LRP2: variants seen among roughly 807,000 people sequenced by gnomAD.
The protein encoded by LRP2 is low-density lipoprotein receptor-related protein 2.
Under a neutral mutation model 531.0 loss-of-function variants are expected in LRP2, and 172 were observed. That is an observed-to-expected ratio of 0.32 (90% CI 0.29 to 0.37). The LOEUF is 0.37. LRP2 is among the 10% of genes least tolerant of loss of function. The pLI is 1.00. For missense variants in LRP2, 5,167 were observed against 5,868.3 expected (o/e 0.88, Z 3.90); for synonymous variants, 1,992 against 2,027.6 (o/e 0.98, Z 0.47).
chr2:169,143,010 C>T (rs1457058254), intron 70 of LRP2, among the ~76,000 whole-genome samples: 1 of 152,164 alleles, frequency 6.6e-6, no homozygotes, highest in Non-Finnish European at 1.5e-5. Flanking sequence ...CAGCCAATTT[C>T]TGTACCACTC....
intron 72 of LRP2, 103 bp downstream of exon 72, chr2:169,140,352 G>A: frequency 1.2e-6 from 1 of 869,436 alleles, no homozygotes; most frequent in Admixed American, 2.0e-5. Flanking sequence ...AAGAATTAGT[G>A]AACTGGTGAG....
chr2:169,322,765 A>G (rs886992827), intron 1 of LRP2, among the ~76,000 whole-genome samples: 1 of 152,218 alleles, frequency 6.6e-6, no homozygotes, highest in African/African-American at 2.4e-5. Context: ...TAAAGGTAGT[A>G]TCTTCTGGTT....
At position 169,176,406 on chromosome 2, in the gene LRP2, C is replaced by T. The variant is rs1434174057; in HGVS notation, c.10571+5G>A. 9 of 1,613,996 alleles carry T rather than the reference C, an allele frequency of 5.6e-6. No individual in the cohort carries two copies. The highest frequency in any genetic ancestry group is 7.6e-6 in the Non-Finnish European group (9 of 1,180,028). ...GCACTGAGGAGAGGGGAAAGAGAGC[C>T]TTACTTTTCATTGTTAGCGCACAGG... On this transcript the variant is annotated splice_donor_5th_base_variant and intron_variant, in intron 54 of 78. Transcript: ENST00000649046.
At chr2:169,180,559 ATTC>A (rs1687390155) in intron 52 of LRP2, among the ~76,000 whole-genome samples, 1 of 152,312 alleles carries the variant, frequency 6.6e-6, no homozygotes, top group Non-Finnish European at 1.5e-5. Flanking sequence ...TGTGCCAGGT[ATTC>A]CTTCTTTTTC....
At chr2:169,221,152 T>C (rs1574148400) in intron 33 of LRP2, among the ~76,000 whole-genome samples, 1 of 152,200 alleles carries the variant, frequency 6.6e-6, no homozygotes, top group African/African-American at 2.4e-5. Context: ...ATCAGTCAAA[T>C]ATGGAAGGTC....
chr2:169,168,422 T>A (rs1239866537), intron 61 of LRP2, 117 bp downstream of exon 61: 3 of 1,256,312 alleles, frequency 2.4e-6, no homozygotes, highest in Non-Finnish European at 2.3e-6. Context: ...ACGCTGATCC[T>A]GTGTCCATTC....
At chr2:169,353,463 C>T (rs1181606665) in intron 1 of LRP2, among the ~76,000 whole-genome samples, 14 of 152,100 alleles carry the variant, frequency 9.2e-5, no homozygotes, top group Admixed American at 9.2e-4. Context: ...ATTTTTTACT[C>T]ACATAAGCCA....
chr2:169,172,956 A>G (rs1687057840), intron 57 of LRP2, 140 bp downstream of exon 57: 5 of 1,118,548 alleles, frequency 4.5e-6, no homozygotes, highest in Admixed American at 1.8e-5. Flanking sequence ...ACATGTTATT[A>G]GAAGAATCAA....
chr2:169,147,395 T>C (rs1329687565), intron 68 of LRP2, among the ~76,000 whole-genome samples: 1 of 152,064 alleles, frequency 6.6e-6, no homozygotes, highest in African/African-American at 2.4e-5. Context: ...TAATCATAGC[T>C]CACTACACTC....
intron 76 of LRP2, among the ~76,000 whole-genome samples, chr2:169,134,471 C>T (rs1332530154): frequency 6.6e-6 from 1 of 152,084 alleles, no homozygotes; most frequent in Non-Finnish European, 1.5e-5. Flanking sequence ...TGACATTCAC[C>T]CCATTTCCCC....
chr2:169,344,866 AG>A (rs1559085163), intron 1 of LRP2, among the ~76,000 whole-genome samples: 3 of 152,146 alleles, frequency 2.0e-5, no homozygotes. Context: ...ATATATTAAA[AG>A]TTTCCCTGGT....
Position 169,282,804 on chromosome 2 carries a change from A to G in LRP2, c.1171+69T>C. On this transcript the variant is annotated intron_variant, in intron 10 of 78. Transcript: ENST00000649046. ...AAATGCTGATAATTCTGTTGTCATC[A>G]GAAGGAAGGAAAGAAGCTATTAGAA... The G allele has an allele frequency of 9.2e-6, 14 of 1,519,026 alleles. No homozygotes were observed. In the South Asian group the frequency reaches 1.6e-4, roughly 17 times the overall value. The allele number at this position is 1,519,026 out of a possible 1,614,324, so 94.1% of individuals were successfully genotyped here. A position where few individuals can be genotyped will look rare whatever the true frequency, so the allele number is the denominator to read the frequency against.
Position 169,174,005 on chromosome 2 carries a change from G to A in LRP2, c.10928C>T (p.Ala3643Val), listed in dbSNP as rs1342176171. ...RTCRPGQFRC[A>V]NGRCIPQAWK... is the part of the protein sequence containing the mutation. ...GGCCTGCGGGATGCAGCGGCCATTA[G>A]CACACCGAAACTGGCCCGGCCGGCA... The change falls in exon 56 of 79, where the codon GCT becomes GTT. Residue 3643 changes from alanine to valine, a missense_variant. Physicochemically the swap from Ala to Val is moderately conservative, Grantham distance 64 (BLOSUM62 0). Transcript: ENST00000649046. 2.5e-6 allele frequency: 4 copies of A among 1,614,200 alleles called. No individual in the cohort carries two copies. The Admixed American group carries it at 5.0e-5, about 20-fold the overall frequency.
rs934947493 is a variant in LRP2 at position 169,128,360 on chromosome 2, T to A, written c.*303A>T. 10 of 264,704 alleles carry A rather than the reference T, an allele frequency of 3.8e-5. No individual in the cohort carries two copies. The Admixed American group carries it at 5.0e-4, about 13-fold the overall frequency. 16.4% of individuals were successfully genotyped at this position (264,704 alleles called of 1,614,324 possible). ...TGATCACCAACCAAATCAGCAGACA[T>A]CTTTATTAGCAAATTCAGTAACAGG... is the stretch of plus-strand genomic sequence containing the variant. On this transcript the variant is annotated 3_prime_UTR_variant, in exon 79 of 79. Coordinates refer to ENST00000649046, the MANE Select transcript of LRP2 (RefSeq NM_004525.3).
At chr2:169,336,981 T>C (rs558991185) in intron 1 of LRP2, among the ~76,000 whole-genome samples, 1 of 152,298 alleles carries the variant, frequency 6.6e-6, no homozygotes, top group South Asian at 2.1e-4. Flanking sequence ...TAAAAGGCTG[T>C]TCTGATAGTC....
chr2:169,362,092 GC>G (rs1310540922), intron 1 of LRP2, among the ~76,000 whole-genome samples: 1 of 152,250 alleles, frequency 6.6e-6, no homozygotes, highest in Non-Finnish European at 1.5e-5. Flanking sequence ...ACCGAAACTG[GC>G]GGGGCTGCTT....
intron 19 of LRP2, 26 bp from the exon 20 acceptor site, chr2:169,247,541 T>C (rs2105395141): frequency 6.2e-7 from 1 of 1,613,406 alleles, no homozygotes. Flanking sequence ...GGTAGATTAG[T>C]ATTTTCAGTC....
intron 37 of LRP2, among the ~76,000 whole-genome samples, 184 bp from the exon 38 acceptor site, chr2:169,209,825 CA>C (rs1688531121): frequency 6.6e-6 from 1 of 152,098 alleles, no homozygotes; most frequent in Non-Finnish European, 1.5e-5. Flanking sequence ...CTCTTTCCCA[CA>C]ATAAGGAGCT....
At chr2:169,358,652 C>T (rs747265541) in intron 1 of LRP2, among the ~76,000 whole-genome samples, 1 of 152,090 alleles carries the variant, frequency 6.6e-6, no homozygotes, top group Non-Finnish European at 1.5e-5. Flanking sequence ...GTCATAAAAG[C>T]TGATACTAAC....
Sources: gnomAD v4.1 joint callset for allele counts (sites outside exome capture counted in the v4.1 genomes callset) on GRCh38, gnomAD v4.1.1 for gene constraint, MANE v1.5 for transcripts, NCBI Gene and HGNC (gene_info 2026-07-23, HGNC 2026-07-21) for gene names.